The following RGS22 variants were observed in gnomAD, a reference collection of about 807,000 sequenced individuals.
RGS22 encodes the protein regulator of G-protein signaling 22.
Under a neutral mutation model 172.9 loss-of-function variants are expected in RGS22, and 148 were observed. The ratio of observed to expected loss-of-function variants is 0.86; its 90% CI spans 0.75 to 0.98. The LOEUF (loss-of-function observed/expected upper bound fraction) is 0.98. RGS22 is among the 50% of genes least tolerant of loss of function. The pLI, the probability that RGS22 is intolerant of heterozygous loss-of-function variation, is 0.00. For synonymous variants in RGS22, 458 were observed against 480.2 expected (o/e 0.95, Z 0.60); for missense variants, 1,347 against 1,440.8 (o/e 0.93, Z 1.05).
intron 4 of RGS22, 56 bp from the exon 5 acceptor site, chr8:100,072,286 G>A (rs1811044820): frequency 9.6e-7 from 1 of 1,045,224 alleles, no homozygotes; most frequent in South Asian, 1.5e-5. Flanking sequence ...CTTTTAGGAT[G>A]ATTAACACCT....
intron 14 of RGS22, among the ~76,000 whole-genome samples, chr8:100,029,416 A>G (rs3133692): frequency 0.67 from 101,519 of 152,072 alleles, 34,815 homozygotes; most frequent in African/African-American, 0.83. Context: ...AAGAAACTGT[A>G]GCAGGCCAAG....
At chr8:100,074,425 T>C (rs950269816) in intron 4 of RGS22, among the ~76,000 whole-genome samples, 1 of 152,222 alleles carries the variant, frequency 6.6e-6, no homozygotes, top group African/African-American at 2.4e-5. Flanking sequence ...CACTTTGTAG[T>C]CAGCAACTCC....
At chr8:100,009,281 G>T (rs1816090759) in intron 14 of RGS22, among the ~76,000 whole-genome samples, 2 of 152,032 alleles carry the variant, frequency 1.3e-5, no homozygotes, top group Admixed American at 1.3e-4. Context: ...AGCCAGGCGT[G>T]ATGGTGCACA....
chr8:100,030,535 G>A (rs1818680296), intron 14 of RGS22, among the ~76,000 whole-genome samples: 1 of 152,088 alleles, frequency 6.6e-6, no homozygotes, highest in South Asian at 2.1e-4. Context: ...GTGAAATACA[G>A]AATGCCAAAG....
Position 100,105,313 on chromosome 8 carries a change from C to T in RGS22, c.54+61G>A, listed in dbSNP as rs114615826. On this transcript the variant is annotated intron_variant, in intron 2 of 27. Transcript: ENST00000360863. ...AAAACACACAGCTTTCTTCTATGATCTAATATTTGCTATTTTTTTAAAGGC... is the reference window on the plus strand; with the variant it reads ...AAAACACACAGCTTTCTTCTATGATTTAATATTTGCTATTTTTTTAAAGGC... 3.1e-3 allele frequency: 4,031 copies of T among 1,297,670 alleles called. 73 individuals are homozygous for T. The African/African-American group carries it at 0.046, about 15-fold the overall frequency. 80.4% of individuals were successfully genotyped at this position (1,297,670 alleles called of 1,614,324 possible).
intron 1 of RGS22, 47 bp from the exon 2 acceptor site, chr8:100,105,449 C>A: frequency 2.0e-6 from 3 of 1,506,454 alleles, no homozygotes; most frequent in African/African-American, 1.4e-5. Flanking sequence ...ATCTGATTTC[C>A]TTTGAGTAAA....
chr8:100,038,076 A>G (rs1819690777), intron 14 of RGS22, among the ~76,000 whole-genome samples: 1 of 152,210 alleles, frequency 6.6e-6, no homozygotes, highest in Non-Finnish European at 1.5e-5. Context: ...TAGTTTCCTT[A>G]GCATTGTTCA....
chr8:100,086,308 T>C lies in RGS22; in HGVS notation c.118-5953A>G, dbSNP rs190192735. Among the ~76,000 whole-genome samples the C allele has an allele frequency of 2.6e-5, 4 of 152,202 alleles. No individual in the cohort carries two copies. In the East Asian group the frequency reaches 7.7e-4, roughly 29 times the overall value. ...AATAAGACTGGAGAGAAAGGATGAA[T>C]TCGTTGAGGACCTACTATCATATGC... On this transcript the variant is annotated intron_variant, in intron 3 of 27. Transcript: ENST00000360863.
chr8:100,092,506 G>A (rs1393631285), intron 3 of RGS22, among the ~76,000 whole-genome samples: 1 of 152,132 alleles, frequency 6.6e-6, no homozygotes, highest in Non-Finnish European at 1.5e-5. Context: ...CTTGAGAGTG[G>A]GTTGGTTATC....
chr8:100,101,881 A>C (rs892874688), intron 2 of RGS22, among the ~76,000 whole-genome samples: 1 of 151,938 alleles, frequency 6.6e-6, no homozygotes, highest in African/African-American at 2.4e-5. Context: ...CAAAAAAAAA[A>C]ACTACTTAAA....
chr8:100,037,234 C>T (rs1169182679), intron 14 of RGS22, among the ~76,000 whole-genome samples: 1 of 152,126 alleles, frequency 6.6e-6, no homozygotes, highest in Non-Finnish European at 1.5e-5. Flanking sequence ...TTCAAGGCTG[C>T]AGTGAGCTAT....
At position 99,965,320 on chromosome 8, in the gene RGS22, A is replaced by G. The variant is rs777184425; in HGVS notation, c.3615+15T>C. The G allele has an allele frequency of 1.3e-6, 2 of 1,588,312 alleles. No individual in the cohort carries two copies. Among genetic ancestry groups the G allele is most frequent in the South Asian group, 2.2e-5 (2 of 90,468 alleles). On this transcript the variant is annotated intron_variant, in intron 24 of 27. Coordinates refer to ENST00000360863, the MANE Select transcript of RGS22 (RefSeq NM_015668.5). ...CCAGCGGGGAAATGAGGTCTGCACC[A>G]TCTTGCATGCTTACCTGTCGGCCAT...
chr8:100,062,238 C>A (rs1461940733), intron 9 of RGS22, among the ~76,000 whole-genome samples: 1 of 151,962 alleles, frequency 6.6e-6, no homozygotes, highest in Non-Finnish European at 1.5e-5. Context: ...ATCCATACAA[C>A]AAACCCCTAA....
intron 5 of RGS22, 38 bp from the exon 6 acceptor site, chr8:100,071,575 CAAATATGGCAGAATTCAG>C: frequency 1.3e-6 from 2 of 1,543,696 alleles, no homozygotes; most frequent in Non-Finnish European, 1.8e-6. Flanking sequence ...AAACAAGTTT[CAAATATGGCAGAATTCAG>C]GGAAAAAACC....
intron 14 of RGS22, among the ~76,000 whole-genome samples, chr8:100,033,613 C>T (rs188197339): frequency 6.6e-6 from 1 of 151,442 alleles, no homozygotes. Flanking sequence ...GGACCTGGTA[C>T]CATTTCTTTT....
At chr8:99,968,184 C>T (rs1810955405) in intron 23 of RGS22, among the ~76,000 whole-genome samples, 1 of 152,122 alleles carries the variant, frequency 6.6e-6, no homozygotes, top group Admixed American at 6.6e-5. Context: ...GCAATAACAT[C>T]ACATCAACAA....
rs1192578305 is a variant in RGS22, at chr8:100,086,755, C to T, written c.118-6400G>A. On this transcript the variant is annotated intron_variant, in intron 3 of 27. Transcript: ENST00000360863. ...AGATAAGCAACTTATCGGTCCCCTC[C>T]GTATAACAAAATCTCTGGGGAAGGA... is the stretch of plus-strand genomic sequence containing the variant. 5.3e-5 allele frequency among the ~76,000 whole-genome samples: 8 copies of T among 152,076 alleles called. No individual in the cohort carries two copies. The East Asian group carries it at 1.2e-3, about 22-fold the overall frequency.
At chr8:100,014,516 T>A (rs1379158456) in intron 14 of RGS22, among the ~76,000 whole-genome samples, 2 of 152,194 alleles carry the variant, frequency 1.3e-5, no homozygotes, top group African/African-American at 2.4e-5. Flanking sequence ...ATAGCTTCTT[T>A]CCTTAATCTT....
In RGS22 at chr8:100,106,000, T is replaced by C; in HGVS notation, c.-79A>G. The C allele has an allele frequency of 3.3e-6, 4 of 1,215,846 alleles. No homozygotes were observed. The highest frequency in any genetic ancestry group is 4.1e-6 in the Non-Finnish European group (4 of 977,998). The allele number at this position is 1,215,846 out of a possible 1,614,324, so 75.3% of individuals were successfully genotyped here. A position where few individuals can be genotyped will look rare whatever the true frequency, so the allele number is the denominator to read the frequency against. The stretch of plus-strand genomic sequence containing the variant: ...CGCGGGTCCAGCGCGGGTCAGGGCC[T>C]GAGCGACGCGGCGACGGCGCGCGGG... On this transcript the variant is annotated 5_prime_UTR_variant, in exon 1 of 28. Transcript: ENST00000360863.
Sources: gnomAD v4.1 joint callset for allele counts (sites outside exome capture counted in the v4.1 genomes callset) on GRCh38, gnomAD v4.1.1 for gene constraint, MANE v1.5 for transcripts, NCBI Gene and HGNC (gene_info 2026-07-23, HGNC 2026-07-21) for gene names.